Variants in SPMIP2 observed in about 807,000 individuals in gnomAD.
SPMIP2 encodes the protein sperm microtubule inner protein 2.
the SPMIP2 span, among the ~76,000 whole-genome samples, chr4:158,990,141 G>A: frequency 6.6e-6 from 1 of 152,250 alleles, no homozygotes; most frequent in South Asian, 2.1e-4. Context: ...CATCATCACT[G>A]GTCATTAGAG....
chr4:159,020,893 C>T, the SPMIP2 span, among the ~76,000 whole-genome samples: 1 of 152,096 alleles, frequency 6.6e-6, no homozygotes, highest in African/African-American at 2.4e-5. Flanking sequence ...TCCCGAGTAG[C>T]TGGGACTACA....
chr4:159,046,788 G>C, the SPMIP2 span, among the ~76,000 whole-genome samples: 4 of 152,194 alleles, frequency 2.6e-5, no homozygotes, highest in Admixed American at 1.3e-4. Flanking sequence ...GGCCAGCCTG[G>C]CCTCGAACTC....
the SPMIP2 span, among the ~76,000 whole-genome samples, chr4:159,066,615 ATATATAG>A: frequency 0.012 from 815 of 68,722 alleles, 11 homozygotes; most frequent in South Asian, 0.12. Context: ...ATATATATAT[ATATATAG>A]TATTAAAGGG....
chr4:158,972,551 G>A, the SPMIP2 span, among the ~76,000 whole-genome samples: 1 of 152,120 alleles, frequency 6.6e-6, no homozygotes, highest in Non-Finnish European at 1.5e-5. Flanking sequence ...TGTTTCAGGG[G>A]AGACACCAGG....
At chr4:158,979,424 G>A in the SPMIP2 span, among the ~76,000 whole-genome samples, 2 of 152,056 alleles carry the variant, frequency 1.3e-5, no homozygotes, top group African/African-American at 4.8e-5. Flanking sequence ...AACTCCTGAG[G>A]AAGGCTGGCA....
chr4:159,074,262 T>TATACTATA, the SPMIP2 span, among the ~76,000 whole-genome samples: 1 of 152,130 alleles, frequency 6.6e-6, no homozygotes, highest in Non-Finnish European at 1.5e-5. Flanking sequence ...ACAGAGGGCA[T>TATACTATA]ATACTATAGA....
the SPMIP2 span, among the ~76,000 whole-genome samples, chr4:159,002,519 T>C: frequency 6.6e-6 from 1 of 152,316 alleles, no homozygotes; most frequent in East Asian, 1.9e-4. Context: ...GTGCCCAGCC[T>C]AAATAATCTT....
At chr4:158,899,269 T>C in the SPMIP2 span, among the ~76,000 whole-genome samples, 1 of 152,214 alleles carries the variant, frequency 6.6e-6, no homozygotes, top group South Asian at 2.1e-4. Flanking sequence ...ATTGAGGATT[T>C]TTGCATTGAT....
chr4:158,978,735 C>A, the SPMIP2 span, among the ~76,000 whole-genome samples: 2 of 152,218 alleles, frequency 1.3e-5, no homozygotes, highest in Admixed American at 1.3e-4. Context: ...AGTAGGATTG[C>A]AAACCCTGCT....
At chr4:159,077,663 C>G in the SPMIP2 span, among the ~76,000 whole-genome samples, 1 of 151,942 alleles carries the variant, frequency 6.6e-6, no homozygotes, top group South Asian at 2.1e-4. Context: ...AATTTCTTTC[C>G]TTAAAGCAGA....
chr4:158,972,940 T>C, the SPMIP2 span: 2 of 627,450 alleles, frequency 3.2e-6, no homozygotes, highest in Non-Finnish European at 5.5e-6. Context: ...TATTCACACA[T>C]GTGTCTTTCT....
the SPMIP2 span, among the ~76,000 whole-genome samples, chr4:158,942,969 A>G: frequency 6.6e-6 from 1 of 152,238 alleles, no homozygotes; most frequent in Admixed American, 6.5e-5. Context: ...ATACTTGTCC[A>G]TAGTTTGATG....
At chr4:158,968,885 G>T in the SPMIP2 span, among the ~76,000 whole-genome samples, 1 of 152,088 alleles carries the variant, frequency 6.6e-6, no homozygotes, top group Admixed American at 6.6e-5. Context: ...TCACAAAGAA[G>T]CTCTATTTCA....
the SPMIP2 span, among the ~76,000 whole-genome samples, chr4:158,984,514 AC>A: frequency 1.4e-4 from 22 of 151,854 alleles, no homozygotes; most frequent in Non-Finnish European, 3.1e-4. Context: ...AAACTGAACA[AC>A]CTGCTCCTGA....
At chr4:158,924,685 T>G in the SPMIP2 span, among the ~76,000 whole-genome samples, 2 of 152,134 alleles carry the variant, frequency 1.3e-5, no homozygotes, top group African/African-American at 4.8e-5. Flanking sequence ...CCTGGCCTAT[T>G]TGTTTTTTCA....
At chr4:158,966,567 G>T in the SPMIP2 span, among the ~76,000 whole-genome samples, 1 of 152,104 alleles carries the variant, frequency 6.6e-6, no homozygotes, top group Non-Finnish European at 1.5e-5. Context: ...TCTTAGCCTT[G>T]TATGTCACTA....
the SPMIP2 span, among the ~76,000 whole-genome samples, chr4:159,075,787 A>C: frequency 1.5e-5 from 2 of 135,664 alleles, no homozygotes; most frequent in Admixed American, 7.6e-5. Context: ...AATTTGACTC[A>C]TCTTTTTTTT....
chr4:158,970,328 C>A, the SPMIP2 span, among the ~76,000 whole-genome samples: 5 of 152,094 alleles, frequency 3.3e-5, no homozygotes, highest in African/African-American at 9.7e-5. Flanking sequence ...ATCACTTGAG[C>A]TCAGGAGTTT....
the SPMIP2 span, among the ~76,000 whole-genome samples, chr4:158,997,592 C>T: frequency 6.6e-6 from 1 of 152,118 alleles, no homozygotes; most frequent in Non-Finnish European, 1.5e-5. Flanking sequence ...CAGAAACTAT[C>T]CTCACAAAAG....
Sources: allele counts gnomAD v4.1 joint callset (sites outside exome capture counted in the v4.1 genomes callset), GRCh38; gene constraint gnomAD v4.1.1; transcripts MANE v1.5; gene names NCBI Gene and HGNC (gene_info 2026-07-23, HGNC 2026-07-21).